RSRC1: variants seen among roughly 807,000 people sequenced by gnomAD.
The protein encoded by RSRC1 is serine/Arginine-related protein 53.
Under a neutral mutation model 49.1 loss-of-function variants are expected in RSRC1, and 39 were observed. The ratio of observed to expected loss-of-function variants is 0.79; its 90% CI spans 0.61 to 1.04. RSRC1 has a LOEUF of 1.04. RSRC1 is among the 50% of genes least tolerant of loss of function. RSRC1 has a pLI of 0.00. For synonymous variants in RSRC1, 143 were observed against 130.8 expected (o/e 1.09, Z -0.63); for missense variants, 388 against 402.4 (o/e 0.96, Z 0.31).
At chr3:158,194,690 C>G (rs1193518) in intron 3 of RSRC1, among the ~76,000 whole-genome samples, 1 of 141,882 alleles carries the variant, frequency 7.0e-6, no homozygotes, top group African/African-American at 2.6e-5. Flanking sequence ...TGTTCCCCTT[C>G]CTGTGTCCGT....
At chr3:158,448,417 G>T (rs1211009082) in intron 6 of RSRC1, among the ~76,000 whole-genome samples, 4 of 151,752 alleles carry the variant, frequency 2.6e-5, no homozygotes, top group African/African-American at 9.7e-5. Flanking sequence ...ACAGCAGCAG[G>T]ACTGGAGAAG....
rs1491469875 is a variant in RSRC1 at position 158,118,462 on chromosome 3, T to TGTGCGCGC, written c.-2-3640_-2-3639insTGCGCGCG. ...GTGTGTGTGTGTGTGTGTGTGTGTG[T>TGTGCGCGC]GCGCGTGCGCGTGGTTTTTTTAAAT... is the stretch of plus-strand genomic sequence containing the variant. On this transcript the variant is annotated intron_variant, in intron 1 of 9. Transcript: ENST00000611884. Among the ~76,000 whole-genome samples, 315 of 124,704 alleles carry TGTGCGCGC rather than the reference T, an allele frequency of 2.5e-3. 7 individuals carry two copies. The highest frequency in any genetic ancestry group is 0.015 in the East Asian group (58 of 3,780). 81.8% of individuals were successfully genotyped at this position (124,704 alleles called of 152,430 possible).
intron 5 of RSRC1, among the ~76,000 whole-genome samples, chr3:158,344,087 C>T (rs746930357): frequency 4.6e-5 from 7 of 151,888 alleles, no homozygotes; most frequent in Non-Finnish European, 7.4e-5. Context: ...GGTAAAACCC[C>T]GTCTCTACAA....
At chr3:158,372,950 C>A (rs1732162689) in intron 6 of RSRC1, among the ~76,000 whole-genome samples, 1 of 151,734 alleles carries the variant, frequency 6.6e-6, no homozygotes, top group South Asian at 2.1e-4. Flanking sequence ...ATGTTCTGGG[C>A]ATCATTGTAA....
chr3:158,242,863 T>G (rs951639605), intron 4 of RSRC1, among the ~76,000 whole-genome samples: 2 of 152,200 alleles, frequency 1.3e-5, no homozygotes, highest in Non-Finnish European at 2.9e-5. Flanking sequence ...TTTTGAGAAG[T>G]GTCTGTTCAT....
Position 158,523,216 on chromosome 3 carries a change from T to G in RSRC1, c.653-13876T>G, listed in dbSNP as rs555190558. Among the ~76,000 whole-genome samples the G allele has an allele frequency of 6.8e-4, 104 of 152,220 alleles. 2 individuals are homozygous for G. In the South Asian group the frequency reaches 0.011, roughly 16 times the overall value. The stretch of plus-strand genomic sequence containing the variant: ...TTTGTATTTCAACTTATTTCTGAAC[T>G]TAAATCTTATTATATATAATACTTT... On this transcript the variant is annotated intron_variant, in intron 7 of 9. Coordinates refer to ENST00000611884, the MANE Select transcript of RSRC1 (RefSeq NM_001271838.2).
At chr3:158,144,373 G>A (rs1042567368) in intron 3 of RSRC1, among the ~76,000 whole-genome samples, 2 of 151,996 alleles carry the variant, frequency 1.3e-5, no homozygotes, top group Non-Finnish European at 2.9e-5. Flanking sequence ...CTGTGAGTGA[G>A]AACATGCAGT....
At chr3:158,497,215 TC>T (rs897536202) in intron 7 of RSRC1, among the ~76,000 whole-genome samples, 1 of 22,916 alleles carries the variant, frequency 4.4e-5, no homozygotes, top group African/African-American at 1.8e-4. Context: ...CCCTTCCCCC[TC>T]CCCCCTAGCC....
At chr3:158,253,347 A>G (rs1349416075) in intron 4 of RSRC1, among the ~76,000 whole-genome samples, 1 of 152,126 alleles carries the variant, frequency 6.6e-6, no homozygotes, top group Non-Finnish European at 1.5e-5. Context: ...ATTCAGAAGC[A>G]TATCATCTAA....
At chr3:158,297,413 T>C (rs556557732) in intron 4 of RSRC1, among the ~76,000 whole-genome samples, 2 of 152,118 alleles carry the variant, frequency 1.3e-5, no homozygotes, top group African/African-American at 4.8e-5. Flanking sequence ...ATATTTGATG[T>C]TTATGTTTTC....
At chr3:158,443,821 G>A (rs1335617618) in intron 6 of RSRC1, among the ~76,000 whole-genome samples, 1 of 152,142 alleles carries the variant, frequency 6.6e-6, no homozygotes, top group Non-Finnish European at 1.5e-5. Flanking sequence ...TGAGAGATGT[G>A]TGGCTCTTCC....
intron 7 of RSRC1, among the ~76,000 whole-genome samples, chr3:158,522,339 C>G (rs996120874): frequency 6.6e-6 from 1 of 151,988 alleles, no homozygotes; most frequent in African/African-American, 2.4e-5. Context: ...ACAGGTTTCA[C>G]TCTGTCATCC....
intron 7 of RSRC1, among the ~76,000 whole-genome samples, chr3:158,526,319 A>G (rs1712020290): frequency 6.6e-6 from 1 of 152,008 alleles, no homozygotes; most frequent in African/African-American, 2.4e-5. Flanking sequence ...GCCTAGTGCA[A>G]TGGGAAGCGT....
intron 6 of RSRC1, among the ~76,000 whole-genome samples, chr3:158,382,332 C>T (rs1480444173): frequency 6.6e-6 from 1 of 152,024 alleles, no homozygotes; most frequent in Non-Finnish European, 1.5e-5. Flanking sequence ...AGAAGGAATA[C>T]ACTCTAAAAT....
At chr3:158,129,114 C>T (rs550004262) in intron 3 of RSRC1, among the ~76,000 whole-genome samples, 57 of 151,980 alleles carry the variant, frequency 3.8e-4, no homozygotes, top group Admixed American at 2.6e-3. Context: ...AAGTATTCTG[C>T]GCATCTCCTC....
At chr3:158,456,306 A>AG (rs1737313744) in intron 6 of RSRC1, among the ~76,000 whole-genome samples, 1 of 131,284 alleles carries the variant, frequency 7.6e-6, no homozygotes, top group Non-Finnish European at 1.6e-5. Context: ...GGATTACGTG[A>AG]GGGTTTTTTT....
chr3:158,374,616 A>G (rs1032295225), intron 6 of RSRC1, among the ~76,000 whole-genome samples: 5 of 152,172 alleles, frequency 3.3e-5, no homozygotes, highest in African/African-American at 1.2e-4. Context: ...TGTACAGTAC[A>G]TTTAATATAT....
At chr3:158,161,780 A>C (rs991033988) in intron 3 of RSRC1, among the ~76,000 whole-genome samples, 6 of 152,060 alleles carry the variant, frequency 3.9e-5, no homozygotes, top group African/African-American at 1.4e-4. Flanking sequence ...ATACATACAT[A>C]CATAAAATAA....
intron 4 of RSRC1, among the ~76,000 whole-genome samples, chr3:158,266,421 A>T (rs827095): frequency 0.47 from 71,917 of 151,950 alleles, 17,553 homozygotes; most frequent in East Asian, 0.64. Context: ...TTGATGAATT[A>T]TAATTTCATT....
Sources: allele counts gnomAD v4.1 joint callset (sites outside exome capture counted in the v4.1 genomes callset), GRCh38; gene constraint gnomAD v4.1.1; transcripts MANE v1.5; gene names NCBI Gene and HGNC (gene_info 2026-07-23, HGNC 2026-07-21).